CNBD1: variants seen among roughly 807,000 people sequenced by gnomAD.
CNBD1 encodes cyclic nucleotide-binding domain-containing protein 1.
In CNBD1, 71 loss-of-function variants were observed where a neutral mutation model predicts 54.4. The ratio of observed to expected loss-of-function variants is 1.30; its 90% confidence interval spans 1.08 to 1.59. The LOEUF is 1.59. Ranked by LOEUF, CNBD1 falls within the 40% of genes most tolerant of loss-of-function variation. CNBD1 has a pLI of 0.00. For missense variants in CNBD1, 659 were observed against 518.0 expected, an observed-to-expected ratio of 1.27 and a Z score of -2.64; for synonymous variants, 182 against 170.7, an observed-to-expected ratio of 1.07 and a Z score of -0.51.
intron 4 of CNBD1, among the ~76,000 whole-genome samples, chr8:87,005,112 G>C (rs1027991241): frequency 6.6e-6 from 1 of 151,828 alleles, no homozygotes; most frequent in African/African-American, 2.4e-5. Flanking sequence ...AGCAGGGCAC[G>C]GTGGCTCACG....
chr8:87,283,938 G>C (rs1001207797), intron 6 of CNBD1, among the ~76,000 whole-genome samples: 1 of 151,996 alleles, frequency 6.6e-6, no homozygotes, highest in Non-Finnish European at 1.5e-5. Context: ...TTGCAGATTC[G>C]AGCTCAGTTA....
intron 1 of CNBD1, among the ~76,000 whole-genome samples, chr8:86,875,944 G>A (rs1167930007): frequency 3.9e-5 from 6 of 151,974 alleles, no homozygotes; most frequent in African/African-American, 4.8e-5. Flanking sequence ...ATATGTTGCC[G>A]GGCACTATAC....
At chr8:87,376,132 A>T (rs1252785269) in intron 10 of CNBD1, among the ~76,000 whole-genome samples, 1 of 151,912 alleles carries the variant, frequency 6.6e-6, no homozygotes, top group Non-Finnish European at 1.5e-5. Flanking sequence ...AAGGAAATAT[A>T]GTTTAGATGA....
chr8:86,885,084 C>A (rs1199671576), intron 1 of CNBD1, among the ~76,000 whole-genome samples: 6 of 152,068 alleles, frequency 3.9e-5, no homozygotes, highest in Non-Finnish European at 5.9e-5. Context: ...TAGCTTTTTG[C>A]AAAGGGTATT....
chr8:87,125,068 T>C (rs1811964733), intron 4 of CNBD1, among the ~76,000 whole-genome samples: 1 of 151,734 alleles, frequency 6.6e-6, no homozygotes, highest in African/African-American at 2.4e-5. Flanking sequence ...AAAAATTAAA[T>C]ACTTAGTTCT....
intron 2 of CNBD1, among the ~76,000 whole-genome samples, chr8:87,422,809 A>G (rs1348387596): frequency 2.6e-5 from 4 of 152,246 alleles, no homozygotes; most frequent in African/African-American, 7.2e-5. Flanking sequence ...AATTCTGTGA[A>G]GAAAGGCATT....
intron 10 of CNBD1, among the ~76,000 whole-genome samples, chr8:87,382,180 A>C (rs1469210653): frequency 6.6e-6 from 1 of 151,996 alleles, no homozygotes; most frequent in Non-Finnish European, 1.5e-5. Context: ...CATGGAATTT[A>C]ATATAGCTCT....
At chr8:86,878,103 T>TGAGA (rs1465498841) in intron 1 of CNBD1, among the ~76,000 whole-genome samples, 3 of 146,150 alleles carry the variant, frequency 2.1e-5, no homozygotes, top group East Asian at 2.0e-4. Context: ...TGTGTGTGTG[T>TGAGA]GTGAGAGAGA....
At chr8:87,010,699 C>T (rs1362482447) in intron 4 of CNBD1, among the ~76,000 whole-genome samples, 10 of 152,154 alleles carry the variant, frequency 6.6e-5, no homozygotes, top group Non-Finnish European at 2.9e-5. Context: ...GAGCCGTGAT[C>T]ACGCCACTAC....
intron 2 of CNBD1, among the ~76,000 whole-genome samples, chr8:86,898,742 A>G (rs1334643081): frequency 6.6e-6 from 1 of 152,180 alleles, no homozygotes; most frequent in Non-Finnish European, 1.5e-5. Flanking sequence ...GAAAAATTCT[A>G]GGTAACGTTG....
chr8:87,426,003 C>G (rs890024183), intron 2 of CNBD1, among the ~76,000 whole-genome samples: 2 of 152,192 alleles, frequency 1.3e-5, no homozygotes, highest in Non-Finnish European at 2.9e-5. Flanking sequence ...GAGCCAGGTG[C>G]AGGATATAAT....
At position 87,133,606 on chromosome 8, in the gene CNBD1, T is replaced by C. The variant is rs201954280; in HGVS notation, c.432-72387T>C. Among the ~76,000 whole-genome samples the C allele has an allele frequency of 8.5e-5, 13 of 152,170 alleles. No individual in the cohort carries two copies. The East Asian group carries it at 9.6e-4, about 11-fold the overall frequency. On this transcript the variant is annotated intron_variant, in intron 4 of 10. Coordinates refer to ENST00000518476, the MANE Select transcript of CNBD1 (RefSeq NM_173538.3). ...CCCTTCGGGCCCTTCTGTGGGTTCA[T>C]GTTCATTTTCTACTAGGTGGGGTGC...
intron 8 of CNBD1, among the ~76,000 whole-genome samples, chr8:87,299,079 T>C (rs1022083921): frequency 2.0e-5 from 3 of 151,960 alleles, no homozygotes; most frequent in Admixed American, 2.0e-4. Context: ...CTTCAAGAGG[T>C]TTTCTAGTGT....
chr8:87,303,960 T>TA (rs1476693878), intron 8 of CNBD1, among the ~76,000 whole-genome samples: 9 of 152,064 alleles, frequency 5.9e-5, no homozygotes, highest in Non-Finnish European at 1.0e-4. Context: ...CCAGTTAGAA[T>TA]GTCGATCATT....
Position 87,240,760 on chromosome 8 carries a change from C to A in CNBD1, c.771+3648C>A, listed in dbSNP as rs558279066. On this transcript the variant is annotated intron_variant, in intron 6 of 10. Coordinates refer to ENST00000518476, the MANE Select transcript of CNBD1 (RefSeq NM_173538.3). ...ATGGGACCTTATGTGATTGGATGTC[C>A]AAATATAGGCTCGTTTTCTCAGGGT... Among the ~76,000 whole-genome samples the A allele has an allele frequency of 1.1e-3, 174 of 152,184 alleles. 3 individuals carry two copies. In the South Asian group the frequency reaches 0.018, roughly 15 times the overall value.
chr8:87,329,655 A>G (rs769881549), intron 8 of CNBD1, among the ~76,000 whole-genome samples: 1 of 152,058 alleles, frequency 6.6e-6, no homozygotes, highest in Non-Finnish European at 1.5e-5. Context: ...GGAAGTGCTA[A>G]TTTATAATTA....
At chr8:87,172,607 C>T (rs1034939448) in intron 4 of CNBD1, among the ~76,000 whole-genome samples, 6 of 151,684 alleles carry the variant, frequency 4.0e-5, no homozygotes, top group Non-Finnish European at 5.9e-5. Flanking sequence ...GCTGAATTGA[C>T]CTGTTTATCA....
rs74219117 is a variant in CNBD1 at position 87,247,071 on chromosome 8, T to C, written c.771+9959T>C. 1.5e-3 allele frequency among the ~76,000 whole-genome samples: 228 copies of C among 152,166 alleles called. 1 individual carries two copies. In the East Asian group the frequency reaches 0.04, roughly 27 times the overall value. On this transcript the variant is annotated intron_variant, in intron 6 of 10. Transcript: ENST00000518476. Reference sequence around the variant, plus strand: ...AACTCTGCTTCACAAAGGTAGGATATTGGAAACAGGAGCAGGCTTTTCAGT... The same window carrying C: ...AACTCTGCTTCACAAAGGTAGGATACTGGAAACAGGAGCAGGCTTTTCAGT...
chr8:87,326,913 T>G (rs1319303711), intron 8 of CNBD1, among the ~76,000 whole-genome samples: 2 of 83,444 alleles, frequency 2.4e-5, no homozygotes, highest in African/African-American at 4.7e-5. Flanking sequence ...TTCTGTTCTG[T>G]TTTTTCCCCA....
Sources: gnomAD v4.1 joint callset for allele counts (sites outside exome capture counted in the v4.1 genomes callset) on GRCh38, gnomAD v4.1.1 for gene constraint, MANE v1.5 for transcripts, NCBI Gene and HGNC (gene_info 2026-07-23, HGNC 2026-07-21) for gene names.